Variants in OLFM1 observed in about 807,000 individuals in gnomAD.
OLFM1 encodes olfactomedin 1.
In OLFM1, 9 loss-of-function variants were observed where a neutral mutation model predicts 49.7. The observed-to-expected ratio is 0.18, with a 90% CI of 0.11 to 0.32. The LOEUF is 0.32. Ranked by LOEUF, OLFM1 falls within the 10% of genes least tolerant of loss-of-function variation. OLFM1 has a pLI of 1.00. For missense variants in OLFM1, 369 were observed against 661.8 expected, an observed-to-expected ratio of 0.56 and a Z score of 4.85; for synonymous variants, 240 against 271.8, an observed-to-expected ratio of 0.88 and a Z score of 1.15.
chr9:135,086,728 T>C, upstream of OLFM1: 1 of 455,718 alleles, frequency 2.2e-6, no homozygotes, highest in Non-Finnish European at 4.4e-6. Flanking sequence ...CACGCGTGAG[T>C]CCTGCTGCGG....
At chr9:135,102,481 G>T (rs1830883981) in intron 4 of OLFM1, among the ~76,000 whole-genome samples, 1 of 152,180 alleles carries the variant, frequency 6.6e-6, no homozygotes, top group Admixed American at 6.5e-5. Flanking sequence ...GACTGAGTGG[G>T]GCCCGGGCGG....
rs531383381 is a variant in OLFM1, at chr9:135,101,188, C to T, written c.676+2683C>T. 1.4e-4 allele frequency among the ~76,000 whole-genome samples: 21 copies of T among 152,250 alleles called. No individual in the cohort carries two copies. In the East Asian group the frequency reaches 3.9e-3, roughly 28 times the overall value. On this transcript the variant is annotated intron_variant, in intron 4 of 5. Coordinates refer to ENST00000371793, the MANE Select transcript of OLFM1 (RefSeq NM_001282611.2). ...GGTGGAGCCGGCACCCGCTGCCGGCCGTCCTGGGTGGTGAGGGCTTCTGTG... is the reference window on the plus strand; with the variant it reads ...GGTGGAGCCGGCACCCGCTGCCGGCTGTCCTGGGTGGTGAGGGCTTCTGTG...
At chr9:135,112,736 A>G (rs1831039913) in intron 5 of OLFM1, among the ~76,000 whole-genome samples, 1 of 152,228 alleles carries the variant, frequency 6.6e-6, no homozygotes, top group African/African-American at 2.4e-5. Context: ...TCGTGTGGAC[A>G]CCGTGGTGTC....
At chr9:135,081,322 C>T (rs1438317700) in intron 1 of OLFM1, among the ~76,000 whole-genome samples, 1 of 152,334 alleles carries the variant, frequency 6.6e-6, no homozygotes, top group Admixed American at 6.5e-5. Context: ...TCACCGAACA[C>T]CAGTGCAAAG....
At chr9:135,082,643 A>G (rs1830547502) in intron 1 of OLFM1, among the ~76,000 whole-genome samples, 2 of 152,144 alleles carry the variant, frequency 1.3e-5, no homozygotes, top group Admixed American at 6.5e-5. Context: ...ATGCACACAC[A>G]GGTTTCCGTT....
intron 1 of OLFM1, chr9:135,077,117 G>T: frequency 6.4e-7 from 1 of 1,550,580 alleles, no homozygotes; most frequent in South Asian, 1.2e-5. Flanking sequence ...TGGTGGTTGT[G>T]CACTGTTGCT....
At chr9:135,118,411 T>TCTTTGGAGTGCTCACCGG (rs1564282139) in intron 5 of OLFM1, among the ~76,000 whole-genome samples, 1 of 105,244 alleles carries the variant, frequency 9.5e-6, no homozygotes, top group Non-Finnish European at 2.0e-5. Flanking sequence ...GTGCTCGCTG[T>TCTTTGGAGTGCTCACCGG]GTCTTTGGAG....
rs966429582 is a variant in OLFM1 at position 135,113,789 on chromosome 9, A to G, written c.784-5715A>G. 1.2e-4 allele frequency among the ~76,000 whole-genome samples: 19 copies of G among 152,306 alleles called. No homozygotes were observed. The highest frequency in any genetic ancestry group is 4.3e-4 in the African/African-American group (18 of 41,586). On this transcript the variant is annotated intron_variant, in intron 5 of 5. Coordinates refer to ENST00000371793, the MANE Select transcript of OLFM1 (RefSeq NM_001282611.2). This position sits in a 1 kb window ranked among gnomAD's most constrained non-coding sequence, Gnocchi z 4.0. ...AGACACATGCCCGATGCCCCAGCAC[A>G]CGGGTGTGGAAGCCCAAGAGGTGCC...
At chr9:135,099,504 T>C (rs1830842760) in intron 4 of OLFM1, among the ~76,000 whole-genome samples, 1 of 152,010 alleles carries the variant, frequency 6.6e-6, no homozygotes, top group African/African-American at 2.4e-5. Flanking sequence ...CTAATGTTAG[T>C]CAGGTGAAGA....
intron 2 of OLFM1, 41 bp downstream of exon 2, chr9:135,090,385 T>TG (rs780075141): frequency 0.055 from 79,603 of 1,435,498 alleles, 719 homozygotes; most frequent in African/African-American, 0.15. Flanking sequence ...TGTGTGTGTG[T>TG]TTGTGTGTGT....
At chr9:135,093,380 T>G (rs1413007249) in intron 2 of OLFM1, among the ~76,000 whole-genome samples, 1 of 152,228 alleles carries the variant, frequency 6.6e-6, no homozygotes, top group Admixed American at 6.5e-5. Context: ...TGGGTGACAG[T>G]AAGCAAGTTG....
upstream of OLFM1, chr9:135,087,269 C>T (rs1044595675): frequency 4.8e-6 from 7 of 1,460,854 alleles, no homozygotes; most frequent in African/African-American, 1.5e-5. Context: ...CGAATCACCG[C>T]GGAAAAGGGC....
At position 135,088,152 on chromosome 9, in the gene OLFM1, G is replaced by A. The variant is rs1830626199; in HGVS notation, c.150+13G>A. 3.0e-6 allele frequency: 4 copies of A among 1,324,936 alleles called. No homozygotes were observed. Among genetic ancestry groups the A allele is most frequent in the Admixed American group, 7.0e-5 (2 of 28,710 alleles). The allele number at this position is 1,324,936 out of a possible 1,614,324, so 82.1% of individuals were successfully genotyped here. ...CCGCAGCACCGGCGTAAGTGCGCCC[G>A]CCGGCCGCCTTGGCGCGGCTCCTCC... On this transcript the variant is annotated intron_variant, in intron 1 of 5. Coordinates refer to ENST00000371793, the MANE Select transcript of OLFM1 (RefSeq NM_001282611.2). This position sits in a 1 kb window ranked among gnomAD's most constrained non-coding sequence, Gnocchi z 4.8.
intron 1 of OLFM1, chr9:135,076,487 C>A: frequency 2.2e-6 from 3 of 1,360,364 alleles, no homozygotes; most frequent in South Asian, 1.6e-5. Flanking sequence ...AGAGAAAGGT[C>A]TCTGCTTGGT....
intron 2 of OLFM1, among the ~76,000 whole-genome samples, chr9:135,091,897 TCACA>T (rs56288353): frequency 0.054 from 7,932 of 147,166 alleles, 724 homozygotes; most frequent in African/African-American, 0.19. Flanking sequence ...TCACACATAG[TCACA>T]CACACACACA....
At chr9:135,095,590 C>T (rs111705951) in intron 2 of OLFM1, among the ~76,000 whole-genome samples, 27 of 151,072 alleles carry the variant, frequency 1.8e-4, no homozygotes, top group East Asian at 3.9e-4. Context: ...CAGCGAATAA[C>T]GGAACTTGAG....
chr9:135,080,095 T>A lies in OLFM1; in HGVS notation c.96+4293T>A, dbSNP rs1204670181. On this transcript the variant is annotated intron_variant, in intron 1 of 5. Transcript: ENST00000252854. This position sits in a 1 kb window ranked among gnomAD's most constrained non-coding sequence, Gnocchi z 4.5. ...CCCCAGTGAGGCCCATCCCTCTGAA[T>A]CTGTTCCTCATCCCCCCATTTAGCT... 6.8e-6 allele frequency among the ~76,000 whole-genome samples: 1 copy of A among 147,984 alleles called. No individual in the cohort carries two copies. Among genetic ancestry groups the A allele is most frequent in the Non-Finnish European group, 1.5e-5 (1 of 67,152 alleles).
chr9:135,110,028 A>C (rs1467752585), intron 5 of OLFM1, among the ~76,000 whole-genome samples: 3 of 152,182 alleles, frequency 2.0e-5, no homozygotes, highest in African/African-American at 4.8e-5. Context: ...AGAGCCCCCA[A>C]GTTCTTCTCA....
chr9:135,079,348 A>T (rs1564265382), intron 1 of OLFM1, among the ~76,000 whole-genome samples: 1 of 152,150 alleles, frequency 6.6e-6, no homozygotes, highest in African/African-American at 2.4e-5. Context: ...GAGGCTGGGT[A>T]CGGTGGCTCA....
Sources: allele counts gnomAD v4.1 joint callset (sites outside exome capture counted in the v4.1 genomes callset), GRCh38; gene constraint gnomAD v4.1.1; non-coding constraint Gnocchi (gnomAD v3.1); transcripts MANE v1.5; gene names NCBI Gene and HGNC (gene_info 2026-07-23, HGNC 2026-07-21).